UNK: variants seen among roughly 807,000 people sequenced by gnomAD.
The protein encoded by UNK is RING finger protein unkempt homolog.
A neutral mutation model predicts 97.6 loss-of-function variants in UNK; 32 were observed. That is an observed-to-expected ratio of 0.33 (90% CI 0.25 to 0.44). UNK has a LOEUF of 0.44. Ranked by LOEUF, UNK falls within the 20% of genes least tolerant of loss-of-function variation. The pLI, the probability that UNK is intolerant of heterozygous loss-of-function variation, is 1.00. For synonymous variants in UNK, 441 were observed against 461.2 expected, an observed-to-expected ratio of 0.96 and a Z score of 0.56; for missense variants, 771 against 1,098.4, an observed-to-expected ratio of 0.70 and a Z score of 4.21.
At chr17:75,795,309 CTT>C (rs2061796015) in intron 1 of UNK, among the ~76,000 whole-genome samples, 1 of 151,890 alleles carries the variant, frequency 6.6e-6, no homozygotes, top group Non-Finnish European at 1.5e-5. Flanking sequence ...TACAGAAAAA[CTT>C]TGTGGGCTTT....
In UNK at chr17:75,823,468, C is replaced by T; in HGVS notation, c.2223C>T (p.Ser741=). The T allele has an allele frequency of 6.3e-7, 1 of 1,581,148 alleles. No homozygotes were observed. The change falls in exon 15 of 16, where the codon TCC becomes TCT. Residue 741 remains serine (S), a synonymous_variant. Transcript: ENST00000589666. The part of the protein sequence containing the change: ...AFSDLEALSL[S]TLYSLQKQLR... The stretch of plus-strand genomic sequence containing the variant: ...CCGACCTGGAGGCGCTCTCACTCTC[C>T]ACCCTCTACTCCCTCCAGAAACAAC...
At chr17:75,814,005 C>T in intron 6 of UNK, 127 bp downstream of exon 6, 1 of 811,640 alleles carries the variant, frequency 1.2e-6, no homozygotes, top group East Asian at 2.7e-5. Flanking sequence ...GCCACCAGCT[C>T]TCCCCTGGCA....
Position 75,813,897 on chromosome 17 carries a change from T to C in UNK, c.876+19T>C, listed in dbSNP as rs1567805597. 5 of 1,547,774 alleles carry C rather than the reference T, an allele frequency of 3.2e-6. No individual in the cohort carries two copies. The highest frequency in any genetic ancestry group is 4.4e-6 in the Non-Finnish European group (5 of 1,145,928). ...CCCCGAGGTGGGCCCCACAGCAGGGTGGGGGGGTGGCTTTGGGAAGTAAGG... is the reference window on the plus strand; with the variant it reads ...CCCCGAGGTGGGCCCCACAGCAGGGCGGGGGGGTGGCTTTGGGAAGTAAGG... On this transcript the variant is annotated intron_variant, in intron 6 of 15. Transcript: ENST00000589666.
At position 75,819,148 on chromosome 17, in the gene UNK, A is replaced by G. The variant is rs1193478740; in HGVS notation, c.1546+332A>G. The G allele has an allele frequency of 3.6e-6, 1 of 278,058 alleles. No homozygotes were observed. Among genetic ancestry groups the G allele is most frequent in the African/African-American group, 2.2e-5 (1 of 45,268 alleles). 17.2% of individuals were successfully genotyped at this position (278,058 alleles called of 1,614,324 possible). On this transcript the variant is annotated intron_variant, in intron 11 of 15. Transcript: ENST00000589666. This position sits in a 1 kb window ranked among gnomAD's most constrained non-coding sequence, Gnocchi z 5.4. ...GAATGGCCAGCACGACGTTCTCAGA[A>G]TCCCTGGTGCTAGAAGTTGGTGCTC... is the stretch of plus-strand genomic sequence containing the variant.
intron 1 of UNK, among the ~76,000 whole-genome samples, chr17:75,798,717 CTG>C (rs1051003231): frequency 6.6e-6 from 1 of 151,114 alleles, no homozygotes; most frequent in African/African-American, 2.4e-5. Flanking sequence ...AGGAATTAAT[CTG>C]TAGTGGCTGT....
chr17:75,812,685 G>T, intron 4 of UNK, 100 bp downstream of exon 4: 1 of 1,483,656 alleles, frequency 6.7e-7, no homozygotes, highest in Admixed American at 2.2e-5. Flanking sequence ...TCTAGCCGAG[G>T]CCCCGACCTG....
At chr17:75,810,677 C>T (rs1208392421) in intron 2 of UNK, among the ~76,000 whole-genome samples, 2 of 152,184 alleles carry the variant, frequency 1.3e-5, no homozygotes, top group African/African-American at 2.4e-5. Context: ...TACTCTGTTG[C>T]CCAGGCTGGA....
At chr17:75,810,947 C>CT (rs1466370525) in intron 2 of UNK, among the ~76,000 whole-genome samples, 21 of 150,030 alleles carry the variant, frequency 1.4e-4, no homozygotes, top group Non-Finnish European at 2.7e-4. Flanking sequence ...CAGTTGATTT[C>CT]TTTTTTTTTG....
At chr17:75,795,721 C>CT (rs1261759456) in intron 1 of UNK, among the ~76,000 whole-genome samples, 16 of 152,164 alleles carry the variant, frequency 1.1e-4, no homozygotes, top group African/African-American at 3.9e-4. Context: ...CGAATATTCT[C>CT]TAACATCAGT....
At chr17:75,810,754 A>G (rs1009122935) in intron 2 of UNK, among the ~76,000 whole-genome samples, 2 of 151,522 alleles carry the variant, frequency 1.3e-5, no homozygotes, top group African/African-American at 4.9e-5. Context: ...TTCCTGCCTC[A>G]GCCTCCCAAG....
chr17:75,806,343 C>G (rs2061916530), intron 1 of UNK, among the ~76,000 whole-genome samples: 1 of 151,842 alleles, frequency 6.6e-6, no homozygotes, highest in African/African-American at 2.4e-5. Flanking sequence ...CCTGTAGTCT[C>G]AGCTACTTGG....
rs1314392918 is a variant in UNK at position 75,791,362 on chromosome 17, TG to T, written c.104+6379del. 1.6e-4 allele frequency among the ~76,000 whole-genome samples: 25 copies of T among 152,246 alleles called. 1 individual carries two copies. ...GTAAATGTCATTAACTTCACTTGAT[TG>T]CATCTGATTGTATTTTGGAAAATCC... On this transcript the variant is annotated intron_variant, in intron 1 of 15. Coordinates refer to ENST00000589666, the MANE Select transcript of UNK (RefSeq NM_001080419.3).
At chr17:75,822,903 C>T (rs2062082146) in intron 14 of UNK, among the ~76,000 whole-genome samples, 2 of 152,230 alleles carry the variant, frequency 1.3e-5, no homozygotes, top group Admixed American at 1.3e-4. Context: ...CCCAGGATCA[C>T]CTGCCTCCTC....
Position 75,808,434 on chromosome 17 carries a change from T to C in UNK, c.105-1326T>C, listed in dbSNP as rs200089629. On this transcript the variant is annotated intron_variant, in intron 1 of 15. Transcript: ENST00000589666. ...TGTACCTCACCTCATCCTCCTTTTC[T>C]CTTTTCCAGTTCCCTTCCTATTCCA... Among the ~76,000 whole-genome samples, 3 of 152,184 alleles carry C rather than the reference T, an allele frequency of 2.0e-5. No individual in the cohort carries two copies. In the East Asian group the frequency reaches 5.8e-4, roughly 29 times the overall value.
Position 75,817,181 on chromosome 17 carries a change from G to A in UNK, c.1105-145G>A, listed in dbSNP as rs1175733220. The A allele has an allele frequency of 1.9e-6, 2 of 1,070,304 alleles. No individual in the cohort carries two copies. Among genetic ancestry groups the A allele is most frequent in the Non-Finnish European group, 2.6e-6 (2 of 765,690 alleles). 66.3% of individuals were successfully genotyped at this position (1,070,304 alleles called of 1,614,324 possible). On this transcript the variant is annotated intron_variant, in intron 8 of 15. Coordinates refer to ENST00000589666, the MANE Select transcript of UNK (RefSeq NM_001080419.3). The surrounding 1 kb of genome is among the most constrained non-coding windows in gnomAD (Gnocchi z 5.8). ...CTCCCCTTTCCTTCGTGAGCTTCGG[G>A]CTCCCCGAGTGGTCACTGCTGCTCG...
In UNK at chr17:75,819,444, C is replaced by T; in HGVS notation, c.1547-240C>T. 1 of 560,678 alleles carries T rather than the reference C, an allele frequency of 1.8e-6. No individual in the cohort carries two copies. Among genetic ancestry groups the T allele is most frequent in the South Asian group, 2.0e-5 (1 of 49,098 alleles). The allele number at this position is 560,678 out of a possible 1,614,324, so 34.7% of individuals were successfully genotyped here. A position where few individuals can be genotyped will look rare whatever the true frequency, so the allele number is the denominator to read the frequency against. ...ACCCTGGATGGGGATGTGATTTCTC[C>T]TGGAAGTATCAAAGAAGATTCAGAA... is the stretch of plus-strand genomic sequence containing the variant. On this transcript the variant is annotated intron_variant, in intron 11 of 15. Coordinates refer to ENST00000589666, the MANE Select transcript of UNK (RefSeq NM_001080419.3). The surrounding 1 kb of genome is among the most constrained non-coding windows in gnomAD (Gnocchi z 5.4).
intron 13 of UNK, among the ~76,000 whole-genome samples, 180 bp from the exon 14 acceptor site, chr17:75,822,297 C>A (rs2062076064): frequency 6.6e-6 from 1 of 152,224 alleles, no homozygotes; most frequent in African/African-American, 2.4e-5. Context: ...TCTGACTCCG[C>A]CCACGCCACC....
rs1220460475 is a variant in UNK, at chr17:75,819,413, G to A, written c.1547-271G>A. ...TCAGGGGACAAGACCCTTGTCCGAGGCAGGGACCCTGGATGGGGATGTGAT... is the reference window on the plus strand; with the variant it reads ...TCAGGGGACAAGACCCTTGTCCGAGACAGGGACCCTGGATGGGGATGTGAT... On this transcript the variant is annotated intron_variant, in intron 11 of 15. Coordinates refer to ENST00000589666, the MANE Select transcript of UNK (RefSeq NM_001080419.3). This position sits in a 1 kb window ranked among gnomAD's most constrained non-coding sequence, Gnocchi z 5.4. Among the ~76,000 whole-genome samples, 1 of 152,230 alleles carries A rather than the reference G, an allele frequency of 6.6e-6. No individual in the cohort carries two copies. The highest frequency in any genetic ancestry group is 1.9e-4 in the East Asian group (1 of 5,204).
chr17:75,817,642 T>A lies in UNK; in HGVS notation c.1305+116T>A. 1 of 1,133,828 alleles carries A rather than the reference T, an allele frequency of 8.8e-7. No individual in the cohort carries two copies. The highest frequency in any genetic ancestry group is 1.2e-6 in the Non-Finnish European group (1 of 805,010). 70.2% of individuals were successfully genotyped at this position (1,133,828 alleles called of 1,614,324 possible). A position where few individuals can be genotyped will look rare whatever the true frequency, so the allele number is the denominator to read the frequency against. ...GGATGACTGGGAGCTAGGACTCCACTGTCCTCGGCCTCTTCAGGACTGAAC... is the reference window on the plus strand; with the variant it reads ...GGATGACTGGGAGCTAGGACTCCACAGTCCTCGGCCTCTTCAGGACTGAAC... On this transcript the variant is annotated intron_variant, in intron 9 of 15. Transcript: ENST00000589666. The surrounding 1 kb of genome is among the most constrained non-coding windows in gnomAD (Gnocchi z 5.8).
Sources: gnomAD v4.1 joint callset for allele counts (sites outside exome capture counted in the v4.1 genomes callset) on GRCh38, gnomAD v4.1.1 for gene constraint, Gnocchi (gnomAD v3.1) non-coding constraint, MANE v1.5 for transcripts, NCBI Gene and HGNC (gene_info 2026-07-23, HGNC 2026-07-21) for gene names.